MLPH: variants seen among roughly 807,000 people sequenced by gnomAD.
MLPH encodes the protein exophilin-3.
A neutral mutation model predicts 72.1 loss-of-function variants in MLPH; 51 were observed. The observed-to-expected ratio is 0.71, with a 90% CI of 0.56 to 0.89. The LOEUF is 0.89. Ranked by LOEUF, MLPH falls within the 40% of genes least tolerant of loss-of-function variation. The pLI, the probability that MLPH is intolerant of heterozygous loss-of-function variation, is 0.00. For synonymous variants in MLPH, 301 were observed against 310.1 expected (o/e 0.97, Z 0.31); for missense variants, 743 against 759.9 (o/e 0.98, Z 0.26).
At chr2:237,535,729 T>C (rs1159848523) in intron 9 of MLPH, among the ~76,000 whole-genome samples, 1 of 152,166 alleles carries the variant, frequency 6.6e-6, no homozygotes, top group African/African-American at 2.4e-5. Context: ...TGCTCCAAAG[T>C]GGAGAATTTA....
At chr2:237,542,456 T>A in intron 11 of MLPH, 111 bp from the exon 12 acceptor site, 1 of 834,938 alleles carries the variant, frequency 1.2e-6, no homozygotes. Flanking sequence ...AAAACACAAG[T>A]AAAATTGGCT....
chr2:237,541,973 G>T lies in MLPH; in HGVS notation c.1447-594G>T, dbSNP rs1481328971. Among the ~76,000 whole-genome samples, 1 of 152,228 alleles carries T rather than the reference G, an allele frequency of 6.6e-6. No individual in the cohort carries two copies. The highest frequency in any genetic ancestry group is 3.2e-3 in the Middle Eastern group (1 of 316). ...GAGCAGCCCGTGCCAAGGCCCTGGG[G>T]TGGCAGTGGGCTTGGTGCCTGCAGG... On this transcript the variant is annotated intron_variant, in intron 11 of 15. Coordinates refer to ENST00000264605, the MANE Select transcript of MLPH (RefSeq NM_024101.7). This position sits in a 1 kb window ranked among gnomAD's most constrained non-coding sequence, Gnocchi z 5.1.
chr2:237,515,162 C>T lies in MLPH; in HGVS notation c.446-3377C>T, dbSNP rs567789025. Among the ~76,000 whole-genome samples, 42 of 152,278 alleles carry T rather than the reference C, an allele frequency of 2.8e-4. 1 individual carries two copies. The South Asian group carries it at 6.8e-3, about 25-fold the overall frequency. ...AACCCAGAGCTTCCCAAGGCCCAGTCGATGGTAGAATTGTAAGCTGGTGTG... is the reference window on the plus strand; with the variant it reads ...AACCCAGAGCTTCCCAAGGCCCAGTTGATGGTAGAATTGTAAGCTGGTGTG... On this transcript the variant is annotated intron_variant, in intron 4 of 15. Transcript: ENST00000264605.
In MLPH at chr2:237,541,767, G is replaced by A. The variant is rs2080691663; in HGVS notation, c.1447-800G>A. Among the ~76,000 whole-genome samples the A allele has an allele frequency of 6.6e-6, 1 of 152,250 alleles. No individual in the cohort carries two copies. The highest frequency in any genetic ancestry group is 1.5e-5 in the Non-Finnish European group (1 of 68,046). ...GCCTTCCTGGAGCTTGTTTTTAGTG[G>A]AAGGAGATAAACAGCAAACAAACAA... On this transcript the variant is annotated intron_variant, in intron 11 of 15. Coordinates refer to ENST00000264605, the MANE Select transcript of MLPH (RefSeq NM_024101.7). The surrounding 1 kb of genome is among the most constrained non-coding windows in gnomAD (Gnocchi z 5.1).
intron 12 of MLPH, among the ~76,000 whole-genome samples, chr2:237,545,237 C>CACAGTGGTGAGTGGGG (rs1559377677): frequency 8.5e-6 from 1 of 117,428 alleles, no homozygotes; most frequent in African/African-American, 4.2e-5. Context: ...GTGAGTGGGG[C>CACAGTGGTGAGTGGGG]ACAGTGGTGA....
chr2:237,521,375 G>C (rs1383698481), intron 6 of MLPH, among the ~76,000 whole-genome samples: 2 of 152,162 alleles, frequency 1.3e-5, no homozygotes, highest in Non-Finnish European at 2.9e-5. Context: ...TAACAAGGGA[G>C]GAGGAGGTGA....
intron 1 of MLPH, among the ~76,000 whole-genome samples, chr2:237,488,322 G>C (rs999511934): frequency 9.9e-5 from 15 of 152,132 alleles, no homozygotes; most frequent in Admixed American, 9.8e-4. Context: ...AGACCGCGTT[G>C]CTGAGCAGTG....
intron 7 of MLPH, 122 bp from the exon 8 acceptor site, chr2:237,527,255 G>A (rs2080323590): frequency 7.9e-7 from 1 of 1,259,734 alleles, no homozygotes; most frequent in South Asian, 1.2e-5. Context: ...CCTCAGCCCT[G>A]TAACATGAAC....
chr2:237,501,341 G>A (rs1244833470), intron 2 of MLPH, among the ~76,000 whole-genome samples: 3 of 152,056 alleles, frequency 2.0e-5, no homozygotes, highest in Non-Finnish European at 2.9e-5. Context: ...ACTTTTACTG[G>A]CCCCATGCAC....
intron 9 of MLPH, among the ~76,000 whole-genome samples, chr2:237,539,824 G>A (rs74003111): frequency 0.048 from 7,332 of 152,234 alleles, 559 homozygotes; most frequent in African/African-American, 0.17. Context: ...AGGTGAACTC[G>A]CAGTCCAGTG....
At chr2:237,503,346 C>G (rs1481643693) in intron 2 of MLPH, among the ~76,000 whole-genome samples, 4 of 152,144 alleles carry the variant, frequency 2.6e-5, no homozygotes, top group Non-Finnish European at 5.9e-5. Flanking sequence ...GCCTGCCGTT[C>G]TCACATCACC....
intron 13 of MLPH, 33 bp from the exon 14 acceptor site, chr2:237,549,188 T>C: frequency 6.3e-7 from 1 of 1,590,156 alleles, no homozygotes; most frequent in South Asian, 1.1e-5. Flanking sequence ...CGTCACAACT[T>C]GATGAAGCCT....
Position 237,525,745 on chromosome 2 carries a change from G to C in MLPH, c.820G>C (p.Ala274Pro), listed in dbSNP as rs770238828. The change falls in exon 7 of 16, where the codon GCT becomes CCT. Residue 274 changes from alanine (A) to proline (P), a missense_variant. By Grantham distance (27) the Ala-to-Pro change is conservative. Transcript: ENST00000264605. Reference protein sequence around the residue: ...SISPSRHGALAELCPPGGSHR... With the variant: ...SISPSRHGALPELCPPGGSHR... Reference sequence around the variant, plus strand: ...CTCACCTTCCAGACACGGCGCCCTGGCTGAGCTCTGCCCGCCTGGAGGCTC... The same window carrying C: ...CTCACCTTCCAGACACGGCGCCCTGCCTGAGCTCTGCCCGCCTGGAGGCTC... 4 of 1,613,812 alleles carry C rather than the reference G, an allele frequency of 2.5e-6. No individual in the cohort carries two copies. The South Asian group carries it at 3.3e-5, about 13-fold the overall frequency.
At chr2:237,502,473 T>C (rs768867551) in intron 2 of MLPH, among the ~76,000 whole-genome samples, 1 of 152,208 alleles carries the variant, frequency 6.6e-6, no homozygotes, top group Non-Finnish European at 1.5e-5. Context: ...CTTTGTATCA[T>C]GCTTGTGTCA....
intron 4 of MLPH, among the ~76,000 whole-genome samples, chr2:237,513,494 A>G (rs955468529): frequency 6.6e-6 from 1 of 152,140 alleles, no homozygotes; most frequent in Non-Finnish European, 1.5e-5. Context: ...GTTTTCTCCT[A>G]TCAAGAGTGG....
chr2:237,543,421 T>G (rs1455106622), intron 12 of MLPH, among the ~76,000 whole-genome samples: 4 of 5,216 alleles, frequency 7.7e-4, no homozygotes, highest in Admixed American at 1.6e-3. Flanking sequence ...CAGTAGTGAG[T>G]GGGGGACAGT....
Position 237,552,383 on chromosome 2 carries a change from G to A in MLPH, c.1722G>A (p.Ser574=), listed in dbSNP as rs764813772. 5.6e-6 allele frequency: 9 copies of A among 1,614,066 alleles called. No individual in the cohort carries two copies. The highest frequency in any genetic ancestry group is 1.7e-5 in the Admixed American group (1 of 60,008). The change falls in exon 15 of 16, where the codon TCG becomes TCA. Residue 574 remains serine (S), a synonymous_variant. Transcript: ENST00000264605. The stretch of plus-strand genomic sequence containing the variant: ...ATCGGAAATCAGTGTACCGAGGCTC[G>A]CTGACACAGAGAAACCCCAACGCGA... ...SFDRKSVYRG[S]LTQRNPNARK...
Position 237,545,235 on chromosome 2 carries a change from G to GA in MLPH, c.1540-1371_1540-1370insA, listed in dbSNP as rs1383866577. On this transcript the variant is annotated intron_variant, in intron 12 of 15. Transcript: ENST00000264605. ...GGTGAGTGGGGACAGTGGTGAGTGG[G>GA]GCACAGTGGTGAGTGAGGGGAACAC... is the stretch of plus-strand genomic sequence containing the variant. Among the ~76,000 whole-genome samples, 88 of 145,628 alleles carry GA rather than the reference G, an allele frequency of 6.0e-4. 1 individual carries two copies. Among genetic ancestry groups the GA allele is most frequent in the African/African-American group, 2.3e-3 (84 of 36,358 alleles).
chr2:237,526,050 C>G (rs1181393268), intron 7 of MLPH, among the ~76,000 whole-genome samples: 1 of 152,236 alleles, frequency 6.6e-6, no homozygotes, highest in Non-Finnish European at 1.5e-5. Context: ...CAGCCCACAG[C>G]TCCCTGCTTC....
Sources: allele counts gnomAD v4.1 joint callset (sites outside exome capture counted in the v4.1 genomes callset), GRCh38; gene constraint gnomAD v4.1.1; non-coding constraint Gnocchi (gnomAD v3.1); transcripts MANE v1.5; gene names NCBI Gene and HGNC (gene_info 2026-07-23, HGNC 2026-07-21).